The following MAP3K3 variants were observed in gnomAD, a reference collection of about 807,000 sequenced individuals.
MAP3K3 encodes mitogen-activated protein kinase kinase kinase 3.
Under a neutral mutation model 80.9 loss-of-function variants are expected in MAP3K3, and 12 were observed. That is an observed-to-expected ratio of 0.15 (90% confidence interval 0.10 to 0.24). The LOEUF is 0.24. Ranked by LOEUF, MAP3K3 falls within the 10% of genes least tolerant of loss-of-function variation. The probability of loss-of-function intolerance (pLI) is 1.00; values close to 1 mark genes in which losing one functional copy is unlikely to be tolerated. For synonymous variants in MAP3K3, 272 were observed against 307.1 expected (o/e 0.89, Z 1.19); for missense variants, 596 against 834.7 (o/e 0.71, Z 3.52).
intron 1 of MAP3K3, among the ~76,000 whole-genome samples, chr17:63,631,598 C>G (rs1389840352): frequency 6.6e-6 from 1 of 152,154 alleles, no homozygotes; most frequent in Non-Finnish European, 1.5e-5. Context: ...GGGCAAAGAT[C>G]TCTTAAAGGA....
At chr17:63,641,934 A>G (rs946549912) in intron 2 of MAP3K3, among the ~76,000 whole-genome samples, 3 of 152,238 alleles carry the variant, frequency 2.0e-5, no homozygotes, top group African/African-American at 4.8e-5. Flanking sequence ...ATAGAGTCAC[A>G]GAAGTTGGAA....
intron 7 of MAP3K3, 50 bp from the exon 8 acceptor site, chr17:63,685,467 G>C (rs771041240): frequency 2.8e-5 from 41 of 1,455,106 alleles, no homozygotes; most frequent in Middle Eastern, 1.8e-4. Flanking sequence ...TGGGTCACTG[G>C]GGGGAATTGG....
In MAP3K3 at chr17:63,691,080, C is replaced by T. The variant is rs752020848; in HGVS notation, c.1213-22C>T. The T allele has an allele frequency of 1.2e-5, 19 of 1,613,188 alleles. No homozygotes were observed. The highest frequency in any genetic ancestry group is 8.9e-5 in the East Asian group (4 of 44,884). On this transcript the variant is annotated intron_variant, in intron 12 of 15. Transcript: ENST00000361733. The surrounding 1 kb of genome is among the most constrained non-coding windows in gnomAD (Gnocchi z 4.8). ...AGAACTAGGGCCCTGAGAGCTGAGG[C>T]GACCACTGACCCCTCCCCTAGGAGG...
At chr17:63,671,847 C>T (rs1029037192) in intron 6 of MAP3K3, among the ~76,000 whole-genome samples, 1 of 152,056 alleles carries the variant, frequency 6.6e-6, no homozygotes, top group Non-Finnish European at 1.5e-5. Context: ...CAGAGGGGTT[C>T]TAAGACCAAA....
chr17:63,659,278 GA>G (rs2034835809), intron 5 of MAP3K3, among the ~76,000 whole-genome samples: 1 of 152,114 alleles, frequency 6.6e-6, no homozygotes, highest in African/African-American at 2.4e-5. Context: ...CTACTGTTGG[GA>G]CACAGAAACT....
chr17:63,626,077 A>G (rs1317127981), intron 1 of MAP3K3, among the ~76,000 whole-genome samples: 1 of 152,232 alleles, frequency 6.6e-6, no homozygotes, highest in Non-Finnish European at 1.5e-5. Context: ...CCCTGTCTCT[A>G]AAACAAAAAA....
chr17:63,641,242 C>CT (rs1220305485), intron 2 of MAP3K3, among the ~76,000 whole-genome samples: 2,799 of 142,924 alleles, frequency 0.02, 71 homozygotes, highest in African/African-American at 0.06. Flanking sequence ...AGTGCCATTA[C>CT]TTTTTTTTTT....
intron 7 of MAP3K3, among the ~76,000 whole-genome samples, chr17:63,685,234 G>T (rs181550060): frequency 1.3e-5 from 2 of 152,292 alleles, no homozygotes; most frequent in Admixed American, 6.5e-5. Flanking sequence ...CAGTGTTAAT[G>T]AGCCAAGAAC....
chr17:63,637,942 A>G (rs779550461), intron 2 of MAP3K3, among the ~76,000 whole-genome samples: 7 of 152,194 alleles, frequency 4.6e-5, no homozygotes, highest in African/African-American at 9.6e-5. Context: ...GGCCTTGGCT[A>G]TCATTTCTAG....
At position 63,622,758 on chromosome 17, in the gene MAP3K3, C is replaced by T. The variant is rs1319265085; in HGVS notation, c.-2C>T. The T allele has an allele frequency of 3.8e-6, 2 of 531,888 alleles. No homozygotes were observed. Among genetic ancestry groups the T allele is most frequent in the Admixed American group, 2.2e-5 (1 of 45,108 alleles). The allele number at this position is 531,888 out of a possible 1,614,324, so 32.9% of individuals were successfully genotyped here. On this transcript the variant is annotated 5_prime_UTR_variant, in exon 1 of 16. Transcript: ENST00000361733. ...TTAGCCACCGCCGCCGCCATCGCCA[C>T]CATGGGTAAGTGTCGCCACCGCCCC...
At chr17:63,665,796 C>T (rs190386900) in intron 5 of MAP3K3, among the ~76,000 whole-genome samples, 1 of 152,316 alleles carries the variant, frequency 6.6e-6, no homozygotes, top group Admixed American at 6.5e-5. Flanking sequence ...TTCAAGACAA[C>T]CTGCATGTGA....
intron 5 of MAP3K3, among the ~76,000 whole-genome samples, chr17:63,658,982 C>T (rs143768908): frequency 1.1e-3 from 170 of 152,214 alleles, no homozygotes; most frequent in Admixed American, 5.3e-3. Flanking sequence ...GTGATCCACC[C>T]GCCTCGGACT....
intron 1 of MAP3K3, among the ~76,000 whole-genome samples, chr17:63,627,969 A>AG (rs1232258632): frequency 6.8e-6 from 1 of 147,730 alleles, no homozygotes; most frequent in Non-Finnish European, 1.5e-5. Context: ...GTGTTGGCAT[A>AG]GTCTTGGCTC....
At chr17:63,631,303 C>CAGTT (rs1319074687) in intron 1 of MAP3K3, among the ~76,000 whole-genome samples, 6 of 152,066 alleles carry the variant, frequency 3.9e-5, no homozygotes, top group African/African-American at 1.4e-4. Context: ...GTCAGTCAAT[C>CAGTT]AGTTAATCAG....
At chr17:63,665,301 G>A (rs557503852) in intron 5 of MAP3K3, among the ~76,000 whole-genome samples, 1 of 151,826 alleles carries the variant, frequency 6.6e-6, no homozygotes, top group Non-Finnish European at 1.5e-5. Context: ...GAGTAGCTGG[G>A]ACTACAGGTG....
chr17:63,691,876 G>C lies in MAP3K3; in HGVS notation c.1474+14G>C, dbSNP rs372986161. On this transcript the variant is annotated intron_variant, in intron 14 of 15. Coordinates refer to ENST00000361733, the MANE Select transcript of MAP3K3 (RefSeq NM_002401.5). The surrounding 1 kb of genome is among the most constrained non-coding windows in gnomAD (Gnocchi z 4.8). ...GGGACATTAAGGGTGAGCAGGGCCA[G>C]GATACATGGAGTCCCCAGGACCTGG... 3 of 1,612,290 alleles carry C rather than the reference G, an allele frequency of 1.9e-6. No homozygotes were observed. The African/African-American group carries it at 4.0e-5, about 22-fold the overall frequency.
chr17:63,661,255 G>A (rs902567768), intron 5 of MAP3K3, among the ~76,000 whole-genome samples: 2 of 152,044 alleles, frequency 1.3e-5, no homozygotes, highest in Non-Finnish European at 2.9e-5. Flanking sequence ...CACTGTTGGC[G>A]AGGCTAGTCT....
At chr17:63,634,657 T>TA in intron 2 of MAP3K3, 2 of 1,449,362 alleles carry the variant, frequency 1.4e-6, no homozygotes, top group South Asian at 1.2e-5. Context: ...TTGTCAAACT[T>TA]ATGTTGCACG....
At chr17:63,680,993 G>GA (rs1184138387) in intron 6 of MAP3K3, among the ~76,000 whole-genome samples, 1 of 150,456 alleles carries the variant, frequency 6.6e-6, no homozygotes, top group Non-Finnish European at 1.5e-5. Flanking sequence ...TAGAGATGTT[G>GA]AAAATCAAAT....
Sources: gnomAD v4.1 joint callset for allele counts (sites outside exome capture counted in the v4.1 genomes callset) on GRCh38, gnomAD v4.1.1 for gene constraint, Gnocchi (gnomAD v3.1) non-coding constraint, MANE v1.5 for transcripts, NCBI Gene and HGNC (gene_info 2026-07-23, HGNC 2026-07-21) for gene names.